Variants in PPP2R3C observed in about 807,000 individuals in gnomAD.
PPP2R3C encodes serine/threonine-protein phosphatase 2A regulatory subunit B'' subunit gamma.
In PPP2R3C, 47 loss-of-function variants were observed where a neutral mutation model predicts 63.7. That is an observed-to-expected ratio of 0.74 (90% CI 0.58 to 0.94). The LOEUF is 0.94. Ranked by LOEUF, PPP2R3C falls within the 40% of genes least tolerant of loss-of-function variation. The pLI, the probability that PPP2R3C is intolerant of heterozygous loss-of-function variation, is 0.00. For synonymous variants in PPP2R3C, 180 were observed against 177.4 expected (o/e 1.01, Z -0.12); for missense variants, 421 against 518.4 (o/e 0.81, Z 1.82).
intron 1 of PPP2R3C, among the ~76,000 whole-genome samples, chr14:35,121,121 G>A (rs1348580188): frequency 6.6e-6 from 1 of 152,182 alleles, no homozygotes; most frequent in East Asian, 1.9e-4. Flanking sequence ...ACTCACGTCT[G>A]TAATTCCAGC....
chr14:35,104,879 CTGCTACCA>C (rs2046299257), intron 6 of PPP2R3C, among the ~76,000 whole-genome samples: 1 of 152,002 alleles, frequency 6.6e-6, no homozygotes, highest in Non-Finnish European at 1.5e-5. Context: ...TTACAGGCAT[CTGCTACCA>C]TGCTCAGCTA....
At chr14:35,122,069 A>C (rs1381658852), upstream of PPP2R3C, 10 of 1,165,724 alleles carry the variant, frequency 8.6e-6, no homozygotes, top group African/African-American at 1.5e-5. Flanking sequence ...AAGGCCGTCC[A>C]ACCACCATCT....
At chr14:35,119,331 C>A (rs985167461) in intron 1 of PPP2R3C, among the ~76,000 whole-genome samples, 2 of 141,368 alleles carry the variant, frequency 1.4e-5, no homozygotes, top group African/African-American at 5.3e-5. Context: ...AGCCACAGTG[C>A]CCAGCCCAAA....
intron 1 of PPP2R3C, chr14:35,117,221 G>A (rs746041418): frequency 6.6e-6 from 3 of 454,214 alleles, no homozygotes; most frequent in Non-Finnish European, 4.4e-6. Context: ...TCTGTCTGAA[G>A]CTCAAAACTC....
At chr14:35,109,761 T>C in intron 4 of PPP2R3C, 58 bp downstream of exon 4, 1 of 1,354,248 alleles carries the variant, frequency 7.4e-7, no homozygotes. Flanking sequence ...CAGCCAATAT[T>C]TGAGGCATTT....
chr14:35,110,361 C>T, intron 3 of PPP2R3C, 164 bp downstream of exon 3: 1 of 560,898 alleles, frequency 1.8e-6, no homozygotes, highest in East Asian at 3.0e-5. Context: ...GTACATGACC[C>T]ATGCAAACTC....
chr14:35,120,163 G>T (rs547641329), intron 1 of PPP2R3C, among the ~76,000 whole-genome samples: 1 of 150,974 alleles, frequency 6.6e-6, no homozygotes, highest in East Asian at 2.0e-4. Context: ...TAACAGTGAA[G>T]CCAGAGTGTA....
intron 10 of PPP2R3C, among the ~76,000 whole-genome samples, chr14:35,092,969 G>A (rs565797005): frequency 2.2e-4 from 33 of 152,162 alleles, no homozygotes; most frequent in Admixed American, 9.2e-4. Flanking sequence ...TACGCACTTC[G>A]GGGGGCCGAG....
chr14:35,107,208 T>G, intron 6 of PPP2R3C, 96 bp downstream of exon 6: 2 of 920,192 alleles, frequency 2.2e-6, no homozygotes, highest in Non-Finnish European at 1.7e-6. Context: ...CAAAGTATTA[T>G]GAGAACAGCC....
rs759048243 is a variant in PPP2R3C at position 35,107,301 on chromosome 14, TAC to T, written c.573+1_573+2del. The T allele has an allele frequency of 1.9e-6, 3 of 1,587,532 alleles. No individual in the cohort carries two copies. The highest frequency in any genetic ancestry group is 1.1e-5 in the South Asian group (1 of 90,550). On this transcript the variant is annotated splice_donor_variant, in intron 6 of 12. Transcript: ENST00000261475. LOFTEE classifies it high-confidence loss of function. Reference sequence around the variant, plus strand: ...ATATAATATCTATAAGGTTAACACTTACAGATTCCCGAAGGTACCCCTGCCCA... The same window carrying T: ...ATATAATATCTATAAGGTTAACACTTAGATTCCCGAAGGTACCCCTGCCCA...
chr14:35,122,099 T>G, upstream of PPP2R3C: 1 of 838,020 alleles, frequency 1.2e-6, no homozygotes, highest in South Asian at 1.5e-5. Context: ...GCGGAAGTCT[T>G]GGCTAAAGAG....
intron 2 of PPP2R3C, among the ~76,000 whole-genome samples, chr14:35,115,768 C>T (rs969608169): frequency 2.0e-5 from 3 of 152,072 alleles, no homozygotes; most frequent in Non-Finnish European, 4.4e-5. Flanking sequence ...ATTACCGGCG[C>T]GCGCCACCAC....
chr14:35,096,788 A>G (rs2046012358), intron 7 of PPP2R3C, 24 bp from the exon 8 acceptor site: 1 of 1,538,538 alleles, frequency 6.5e-7, no homozygotes, highest in Non-Finnish European at 8.7e-7. Context: ...AAGAAACACA[A>G]TTAATTTCAT....
intron 1 of PPP2R3C, among the ~76,000 whole-genome samples, chr14:35,118,640 T>C (rs2046772230): frequency 6.8e-6 from 1 of 146,038 alleles, no homozygotes. Context: ...AAAGTACAAG[T>C]ACAGGTACCT....
At chr14:35,106,014 T>C (rs531660990) in intron 6 of PPP2R3C, among the ~76,000 whole-genome samples, 28 of 152,126 alleles carry the variant, frequency 1.8e-4, no homozygotes, top group Non-Finnish European at 3.1e-4. Flanking sequence ...GGCTAATTTT[T>C]TTTTGTATTT....
chr14:35,108,084 CA>C, intron 5 of PPP2R3C, 54 bp downstream of exon 5: 5 of 1,584,002 alleles, frequency 3.2e-6, no homozygotes, highest in South Asian at 2.4e-5. Flanking sequence ...AAGCACAGAC[CA>C]AAAACCTACT....
At chr14:35,118,852 C>G (rs191590407) in intron 1 of PPP2R3C, among the ~76,000 whole-genome samples, 1 of 152,116 alleles carries the variant, frequency 6.6e-6, no homozygotes, top group Admixed American at 6.6e-5. Flanking sequence ...GAGCGTTTCA[C>G]CACGTTGGCC....
At chr14:35,119,089 G>A (rs1566430315) in intron 1 of PPP2R3C, among the ~76,000 whole-genome samples, 3 of 150,406 alleles carry the variant, frequency 2.0e-5, no homozygotes, top group Admixed American at 2.0e-4. Flanking sequence ...CCAGGCTGGA[G>A]AGCAGTGTCG....
At position 35,095,085 on chromosome 14, in the gene PPP2R3C, C is replaced by T. The variant is rs148710642; in HGVS notation, c.938G>A (p.Arg313His). Residue 313 changes from arginine (R) to histidine (H), a missense_variant, in exon 10 of 13, where the codon CGT becomes CAT. This residue lies in a region of PPP2R3C where 231 missense variants were observed against 264.8 expected (regional missense o/e 0.87). Transcript: ENST00000261475. ...ATAAGTGAGACACTCCTGGAAAACA[C>T]GGTCTAAGAAGACATTGGTCATGGT... ...TATMTNVFLD[R>H]VFQECLTYDG... 47 of 1,607,198 alleles carry T rather than the reference C, an allele frequency of 2.9e-5. No homozygotes were observed. Among genetic ancestry groups the T allele is most frequent in the Non-Finnish European group, 3.7e-5 (44 of 1,173,858 alleles).
Sources: allele counts gnomAD v4.1 joint callset (sites outside exome capture counted in the v4.1 genomes callset), GRCh38; gene constraint gnomAD v4.1.1; regional missense constraint gnomAD v4.1.1; transcripts MANE v1.5; gene names NCBI Gene and HGNC (gene_info 2026-07-23, HGNC 2026-07-21).